Variants in SMYD4 observed in about 807,000 individuals in gnomAD.
SMYD4 encodes protein-lysine N-methyltransferase SMYD4.
A neutral mutation model predicts 72.8 loss-of-function variants in SMYD4; 68 were observed. The ratio of observed to expected loss-of-function variants is 0.93; its 90% CI spans 0.77 to 1.14. SMYD4 has a LOEUF of 1.14. SMYD4 is among the 50% of genes most tolerant of loss of function. The probability of loss-of-function intolerance (pLI) is 0.00; values close to 1 mark genes in which losing one functional copy is unlikely to be tolerated. For missense variants in SMYD4, 984 were observed against 1,003.7 expected (o/e 0.98, Z 0.27); for synonymous variants, 407 against 388.6 (o/e 1.05, Z -0.56).
At chr17:1,825,590 C>A (rs1056763666) in intron 2 of SMYD4, among the ~76,000 whole-genome samples, 2 of 150,512 alleles carry the variant, frequency 1.3e-5, no homozygotes, top group Non-Finnish European at 2.9e-5. Context: ...TGGCTCGCTG[C>A]AGCCTTGACC....
At chr17:1,787,201 T>G (rs763381028) in intron 6 of SMYD4, among the ~76,000 whole-genome samples, 1 of 152,222 alleles carries the variant, frequency 6.6e-6, no homozygotes, top group African/African-American at 2.4e-5. Context: ...AGGAAGTTTA[T>G]AGTGATTAAA....
At chr17:1,797,618 G>A (rs552278390) in intron 5 of SMYD4, among the ~76,000 whole-genome samples, 2 of 152,370 alleles carry the variant, frequency 1.3e-5, no homozygotes, top group Admixed American at 6.5e-5. Flanking sequence ...GCAGTGTGGG[G>A]TGGAAGGCTG....
intron 2 of SMYD4, among the ~76,000 whole-genome samples, chr17:1,822,381 G>C (rs1035132466): frequency 2.6e-5 from 4 of 152,174 alleles, no homozygotes; most frequent in Admixed American, 1.3e-4. Flanking sequence ...ATTTCTTAAA[G>C]TATGTATGCA....
At chr17:1,808,636 C>T (rs542724890) in intron 3 of SMYD4, among the ~76,000 whole-genome samples, 1 of 152,138 alleles carries the variant, frequency 6.6e-6, no homozygotes, top group South Asian at 2.1e-4. Flanking sequence ...AACATACTGG[C>T]TTCATGAAAT....
intron 5 of SMYD4, among the ~76,000 whole-genome samples, chr17:1,794,300 T>C (rs900356248): frequency 6.8e-6 from 1 of 146,526 alleles, no homozygotes; most frequent in Non-Finnish European, 1.5e-5. Context: ...TTTGTATTTT[T>C]AGTAGAGACG....
intron 4 of SMYD4, among the ~76,000 whole-genome samples, chr17:1,803,807 C>G (rs1909893200): frequency 6.6e-6 from 1 of 151,270 alleles, no homozygotes; most frequent in Non-Finnish European, 1.5e-5. Flanking sequence ...CCCCATAGCT[C>G]TTTCTTGTCA....
At chr17:1,821,140 A>T (rs1044047479) in intron 2 of SMYD4, among the ~76,000 whole-genome samples, 2 of 152,232 alleles carry the variant, frequency 1.3e-5, no homozygotes, top group African/African-American at 4.8e-5. Context: ...CACAGACATA[A>T]GAATGTATGC....
At position 1,800,387 on chromosome 17, in the gene SMYD4, G is replaced by A; in HGVS notation, c.1007C>T (p.Pro336Leu). The change falls in exon 5 of 11, where the codon CCT becomes CTT. Residue 336 changes from proline to leucine, a missense_variant. Pro to Leu is a moderately conservative substitution (Grantham distance 98, BLOSUM62 -3). Transcript: ENST00000305513. ...CAGTGTGAGAAGCAGCCCTCCCAGAGGACATTCTGTCCTGTGGTAGAGCTC... is the reference window on the plus strand; with the variant it reads ...CAGTGTGAGAAGCAGCCCTCCCAGAAGACATTCTGTCCTGTGGTAGAGCTC... ...AWELYHRTEC[P>L]LGGLLLTLGV... 27 of 1,614,188 alleles carry A rather than the reference G, an allele frequency of 1.7e-5. No individual in the cohort carries two copies. The highest frequency in any genetic ancestry group is 2.2e-5 in the Non-Finnish European group (26 of 1,180,038).
chr17:1,822,314 G>A (rs1182656961), intron 2 of SMYD4, among the ~76,000 whole-genome samples: 1 of 152,118 alleles, frequency 6.6e-6, no homozygotes, highest in Non-Finnish European at 1.5e-5. Context: ...AATCAGGAAT[G>A]GGGAAGAGTG....
rs192811903 is a variant in SMYD4, at chr17:1,800,768, G to T, written c.626C>A (p.Pro209Gln). ...QEKDSLTESF[P>Q]AALAKTLEDA... is the part of the protein sequence containing the mutation. ...CTCAAGGGTTTTGGCCAGAGCTGCT[G>T]GGAAGCTTTCTGTGAGACTGTCCTT... The change falls in exon 5 of 11, where the codon CCA (proline) becomes CAA (glutamine). Residue 209 changes from proline (P) to glutamine (Q), a missense_variant. Pro to Gln is a moderately conservative substitution (Grantham distance 76, BLOSUM62 -1). Coordinates refer to ENST00000305513, the MANE Select transcript of SMYD4 (RefSeq NM_052928.3). 5.6e-6 allele frequency: 9 copies of T among 1,614,174 alleles called. No homozygotes were observed. The highest frequency in any genetic ancestry group is 1.6e-4 in the Middle Eastern group (1 of 6,062).
chr17:1,779,590 C>T lies in SMYD4; in HGVS notation c.*1696G>A, dbSNP rs1193877076. On this transcript the variant is annotated 3_prime_UTR_variant, in exon 11 of 11. Transcript: ENST00000305513. ...GATTTTATTAGTGGTTGGTTACTGA[C>T]TCTGCCAAGAGTACAGAATGAAGGG... The T allele has an allele frequency of 1.3e-5, 2 of 152,290 alleles. No individual in the cohort carries two copies. Among genetic ancestry groups the T allele is most frequent in the African/African-American group, 4.8e-5 (2 of 41,468 alleles). The allele number at this position is 152,290 out of a possible 1,614,324, so 9.4% of individuals were successfully genotyped here.
chr17:1,787,028 C>T (rs1267036026), intron 6 of SMYD4, 55 bp from the exon 7 acceptor site: 7 of 1,595,626 alleles, frequency 4.4e-6, no homozygotes, highest in Admixed American at 1.7e-5. Context: ...TCAAACACTA[C>T]GTAAAAACCT....
rs145265496 is a variant in SMYD4, at chr17:1,802,678, C to T, written c.370-1654G>A. The stretch of plus-strand genomic sequence containing the variant: ...TCTGAAGGGCAGTAAGTGTGGACTT[C>T]TTACTATTCCAATAGTTCTCAACCC... On this transcript the variant is annotated intron_variant, in intron 4 of 10. Coordinates refer to ENST00000305513, the MANE Select transcript of SMYD4 (RefSeq NM_052928.3). Among the ~76,000 whole-genome samples the T allele has an allele frequency of 2.7e-3, 417 of 152,282 alleles. 1 individual carries two copies. The highest frequency in any genetic ancestry group is 9.6e-3 in the African/African-American group (399 of 41,574).
In SMYD4 at chr17:1,783,452, C is replaced by A; in HGVS notation, c.2045G>T (p.Gly682Val). The A allele has an allele frequency of 1.2e-6, 2 of 1,611,044 alleles. No homozygotes were observed. Among genetic ancestry groups the A allele is most frequent in the Non-Finnish European group, 1.7e-6 (2 of 1,179,264 alleles). ...GAAGCTCTCGGCGTCACGCTGGCAC[C>A]CCGACAGCCGCTGAACAGCTCGCTC... ...ELERAVQRLSGCQRDAESFLW... is the reference protein window; with the variant it reads ...ELERAVQRLSVCQRDAESFLW... Residue 682 changes from glycine to valine, a missense_variant, in exon 9 of 11, where the codon GGG (glycine) becomes GTG (valine). Gly to Val is a moderately radical substitution (Grantham distance 109, BLOSUM62 -3). Coordinates refer to ENST00000305513, the MANE Select transcript of SMYD4 (RefSeq NM_052928.3).
intron 10 of SMYD4, chr17:1,781,731 G>A (rs554325891): frequency 3.8e-4 from 77 of 200,770 alleles, no homozygotes; most frequent in Non-Finnish European, 5.6e-4. Context: ...GTATTTGTGC[G>A]ACCTCGGCTC....
chr17:1,822,882 G>A (rs553620484), intron 2 of SMYD4, among the ~76,000 whole-genome samples: 115 of 152,180 alleles, frequency 7.6e-4, no homozygotes, highest in African/African-American at 2.6e-3. Context: ...AGAATAAATC[G>A]AACATGAAAT....
chr17:1,824,890 G>A (rs778140875), intron 2 of SMYD4, among the ~76,000 whole-genome samples: 14 of 152,036 alleles, frequency 9.2e-5, no homozygotes, highest in South Asian at 2.1e-4. Context: ...CTCCCAAAGC[G>A]CTGCGATTAC....
At chr17:1,816,879 A>G (rs1910629268) in intron 2 of SMYD4, among the ~76,000 whole-genome samples, 1 of 151,902 alleles carries the variant, frequency 6.6e-6, no homozygotes, top group South Asian at 2.1e-4. Flanking sequence ...TGGAGAAATG[A>G]GTCAAGTCCT....
At chr17:1,817,509 A>G (rs1405733785) in intron 2 of SMYD4, among the ~76,000 whole-genome samples, 3 of 136,388 alleles carry the variant, frequency 2.2e-5, no homozygotes, top group African/African-American at 4.9e-5. Flanking sequence ...GCCTGGCTAT[A>G]TTATTTGTAG....
Sources: gnomAD v4.1 joint callset for allele counts (sites outside exome capture counted in the v4.1 genomes callset) on GRCh38, gnomAD v4.1.1 for gene constraint, MANE v1.5 for transcripts, NCBI Gene and HGNC (gene_info 2026-07-23, HGNC 2026-07-21) for gene names.